The following PLCB1 variants were observed in gnomAD, a reference collection of about 807,000 sequenced individuals.
The protein encoded by PLCB1 is phospholipase C beta 1.
A neutral mutation model predicts 161.8 loss-of-function variants in PLCB1; 46 were observed. That is an observed-to-expected ratio of 0.28 (90% CI 0.22 to 0.36). PLCB1 has a LOEUF of 0.36. PLCB1 is among the 10% of genes least tolerant of loss of function. The pLI, the probability that PLCB1 is intolerant of heterozygous loss-of-function variation, is 1.00. For synonymous variants in PLCB1, 517 were observed against 503.7 expected (o/e 1.03, Z -0.35); for missense variants, 1,016 against 1,472.5 (o/e 0.69, Z 5.07).
At chr20:8,858,049 T>C (rs1304815476) in intron 31 of PLCB1, among the ~76,000 whole-genome samples, 1 of 152,238 alleles carries the variant, frequency 6.6e-6, no homozygotes, top group East Asian at 1.9e-4. Flanking sequence ...ATTGAGGGTG[T>C]CATTTGAATA....
At chr20:8,574,002 A>G (rs1986601223) in intron 3 of PLCB1, among the ~76,000 whole-genome samples, 1 of 152,252 alleles carries the variant, frequency 6.6e-6, no homozygotes, top group Admixed American at 6.5e-5. Context: ...TTTGTTTTTA[A>G]AGACTACTTT....
intron 31 of PLCB1, among the ~76,000 whole-genome samples, chr20:8,829,521 G>A (rs1042171693): frequency 5.3e-5 from 8 of 152,218 alleles, no homozygotes; most frequent in African/African-American, 1.9e-4. Flanking sequence ...TACATCCTCA[G>A]TTAAGAGATG....
chr20:8,660,733 C>T (rs1246965363), intron 9 of PLCB1, among the ~76,000 whole-genome samples: 1 of 152,038 alleles, frequency 6.6e-6, no homozygotes, highest in African/African-American at 2.4e-5. Context: ...AATTTCAAAT[C>T]GAAAGAGGCA....
intron 3 of PLCB1, among the ~76,000 whole-genome samples, chr20:8,514,899 T>C (rs1984048099): frequency 6.6e-6 from 1 of 152,174 alleles, no homozygotes; most frequent in Admixed American, 6.5e-5. Flanking sequence ...AAAACTAATA[T>C]TCATCTCCAG....
At chr20:8,690,272 C>T (rs970646683) in intron 10 of PLCB1, among the ~76,000 whole-genome samples, 1 of 151,716 alleles carries the variant, frequency 6.6e-6, no homozygotes, top group Admixed American at 6.6e-5. Flanking sequence ...AAAGCCAATA[C>T]ACTGAGAACA....
At chr20:8,525,732 G>A (rs1984560980) in intron 3 of PLCB1, among the ~76,000 whole-genome samples, 1 of 150,660 alleles carries the variant, frequency 6.6e-6, no homozygotes, top group African/African-American at 2.4e-5. Flanking sequence ...ATACCTGAAT[G>A]AAATGAAATA....
At chr20:8,827,968 C>T (rs1338359551) in intron 31 of PLCB1, among the ~76,000 whole-genome samples, 2 of 152,202 alleles carry the variant, frequency 1.3e-5, no homozygotes, top group African/African-American at 4.8e-5. Flanking sequence ...AAAATATGTA[C>T]TCCCTGGCTC....
chr20:8,732,437 A>G (rs952868546), intron 18 of PLCB1, among the ~76,000 whole-genome samples: 1 of 151,734 alleles, frequency 6.6e-6, no homozygotes, highest in Non-Finnish European at 1.5e-5. Context: ...TTTCACCACA[A>G]TGATGTTTAT....
At chr20:8,144,131 AC>A (rs1256452650) in intron 1 of PLCB1, among the ~76,000 whole-genome samples, 4 of 152,042 alleles carry the variant, frequency 2.6e-5, no homozygotes, top group African/African-American at 9.7e-5. Flanking sequence ...CCTCCCCGCC[AC>A]CCCAAAGGCC....
At chr20:8,259,037 C>A (rs1981565380) in intron 2 of PLCB1, among the ~76,000 whole-genome samples, 1 of 152,076 alleles carries the variant, frequency 6.6e-6, no homozygotes, top group Non-Finnish European at 1.5e-5. Context: ...CAATATGTAG[C>A]CTTTTGAGTC....
rs977464446 is a variant in PLCB1 at position 8,517,707 on chromosome 20, A to G, written c.247-110587A>G. ...GGGGCTCAGATGTTCCTCATGGACA[A>G]GGAATGAATCTCTGGATTGGCTACT... On this transcript the variant is annotated intron_variant, in intron 3 of 31. Transcript: ENST00000338037. Among the ~76,000 whole-genome samples the G allele has an allele frequency of 7.2e-5, 11 of 152,348 alleles. No homozygotes were observed. In the East Asian group the frequency reaches 1.3e-3, roughly 19 times the overall value.
intron 10 of PLCB1, among the ~76,000 whole-genome samples, chr20:8,690,164 T>A (rs186099339): frequency 1.3e-5 from 2 of 149,412 alleles, no homozygotes; most frequent in African/African-American, 2.4e-5. Context: ...TTTTTTTTTA[T>A]CTTGCTCCCT....
At chr20:8,372,770 C>T (rs1986944917) in intron 3 of PLCB1, among the ~76,000 whole-genome samples, 1 of 152,108 alleles carries the variant, frequency 6.6e-6, no homozygotes, top group Non-Finnish European at 1.5e-5. Flanking sequence ...TCATATAAGC[C>T]TGTTAGTTCC....
At chr20:8,834,466 T>G (rs925805908) in intron 31 of PLCB1, among the ~76,000 whole-genome samples, 3 of 152,054 alleles carry the variant, frequency 2.0e-5, no homozygotes, top group Admixed American at 2.0e-4. Flanking sequence ...CATGTGATTA[T>G]GGAGGCTGGC....
intron 3 of PLCB1, among the ~76,000 whole-genome samples, chr20:8,491,636 A>T (rs1369729627): frequency 6.6e-6 from 1 of 152,156 alleles, no homozygotes; most frequent in Non-Finnish European, 1.5e-5. Context: ...GTGAATACTC[A>T]CTGGGATCCT....
intron 20 of PLCB1, among the ~76,000 whole-genome samples, chr20:8,737,993 G>C (rs535774891): frequency 9.2e-5 from 14 of 152,242 alleles, no homozygotes; most frequent in African/African-American, 3.4e-4. Flanking sequence ...CAATAAATGT[G>C]AGTTTGCTGT....
intron 10 of PLCB1, among the ~76,000 whole-genome samples, chr20:8,694,419 T>C (rs933334097): frequency 1.3e-5 from 2 of 152,204 alleles, no homozygotes; most frequent in African/African-American, 2.4e-5. Flanking sequence ...CTTTCTCTTT[T>C]TTATTCTTCA....
chr20:8,728,085 A>G lies in PLCB1; in HGVS notation c.1763+692A>G, dbSNP rs1017517637. On this transcript the variant is annotated intron_variant, in intron 17 of 31. Transcript: ENST00000338037. ...GGAAGAAGAAACAAATGTTGACTCC[A>G]TAAATAAAGTCCTGCTAGAAAATTA... 1.2e-4 allele frequency among the ~76,000 whole-genome samples: 19 copies of G among 152,286 alleles called. No homozygotes were observed. The East Asian group carries it at 3.7e-3, about 29-fold the overall frequency.
intron 2 of PLCB1, among the ~76,000 whole-genome samples, chr20:8,156,097 G>A (rs765372053): frequency 6.6e-6 from 1 of 152,104 alleles, no homozygotes; most frequent in Non-Finnish European, 1.5e-5. Flanking sequence ...AACATAAGCC[G>A]GGCTCCAGTG....
Sources: gnomAD v4.1 joint callset for allele counts (sites outside exome capture counted in the v4.1 genomes callset) on GRCh38, gnomAD v4.1.1 for gene constraint, MANE v1.5 for transcripts, NCBI Gene and HGNC (gene_info 2026-07-23, HGNC 2026-07-21) for gene names.